EPHB2: variants seen among roughly 807,000 people sequenced by gnomAD.
EPHB2 encodes EPH receptor B2.
Under a neutral mutation model 96.4 loss-of-function variants are expected in EPHB2, and 18 were observed. That is an observed-to-expected ratio of 0.19 (90% confidence interval 0.13 to 0.28). The LOEUF (loss-of-function observed/expected upper bound fraction) is 0.28, where lower values mean the gene tolerates loss of function less well. Among genes scored for constraint, EPHB2 ranks in the 10% least tolerant of loss-of-function variants. The pLI, the probability that EPHB2 is intolerant of heterozygous loss-of-function variation, is 1.00. For missense variants in EPHB2, 989 were observed against 1,355.4 expected (o/e 0.73, Z 4.25); for synonymous variants, 506 against 534.1 (o/e 0.95, Z 0.72).
rs779665367 is a variant in EPHB2 at position 22,784,612 on chromosome 1, A to G, written c.347A>G (p.Tyr116Cys). ...AAGGAGACCTTCAACCTCTATTACT[A>G]TGAGGCTGACTTTGACTCGGCCACC... ...SCKETFNLYY[Y>C]EADFDSATKT... is the part of the protein sequence containing the mutation. The change falls in exon 3 of 16, where the codon TAT (tyrosine) becomes TGT (cysteine). Residue 116 changes from tyrosine to cysteine, a missense_variant. By Grantham distance (194) the Tyr-to-Cys change is radical. Transcript: ENST00000374630. This position sits in a 1 kb window ranked among gnomAD's most constrained non-coding sequence, Gnocchi z 5.1. 3 of 1,614,030 alleles carry G rather than the reference A, an allele frequency of 1.9e-6. No homozygotes were observed. The highest frequency in any genetic ancestry group is 1.7e-6 in the Non-Finnish European group (2 of 1,180,002).
rs1364753254 is a variant in EPHB2, at chr1:22,790,564, C to T, written c.811+5488C>T. Among the ~76,000 whole-genome samples, 1 of 152,182 alleles carries T rather than the reference C, an allele frequency of 6.6e-6. No homozygotes were observed. Among genetic ancestry groups the T allele is most frequent in the Admixed American group, 6.5e-5 (1 of 15,282 alleles). Reference sequence around the variant, plus strand: ...GTTCCCCTGCCCCAGTTTCTCCAAGCCTGCCTGTCTCCAGATCCCTGTTCT... The same window carrying T: ...GTTCCCCTGCCCCAGTTTCTCCAAGTCTGCCTGTCTCCAGATCCCTGTTCT... On this transcript the variant is annotated intron_variant, in intron 3 of 15. Transcript: ENST00000374630. The surrounding 1 kb of genome is among the most constrained non-coding windows in gnomAD (Gnocchi z 4.0).
At chr1:22,903,767 G>A (rs1244701125) in intron 9 of EPHB2, among the ~76,000 whole-genome samples, 1 of 152,196 alleles carries the variant, frequency 6.6e-6, no homozygotes, top group African/African-American at 2.4e-5. Flanking sequence ...TTTGGATTCT[G>A]CTCAGCCCTA....
chr1:22,752,337 A>C (rs1644076557), intron 1 of EPHB2, among the ~76,000 whole-genome samples: 1 of 152,136 alleles, frequency 6.6e-6, no homozygotes, highest in African/African-American at 2.4e-5. Context: ...ATCTCTACAA[A>C]AATACAAAAA....
chr1:22,892,644 C>A (rs1639425153), intron 6 of EPHB2, among the ~76,000 whole-genome samples: 1 of 152,206 alleles, frequency 6.6e-6, no homozygotes, highest in Non-Finnish European at 1.5e-5. Flanking sequence ...CAACACAAGT[C>A]ATGTGGACAA....
At chr1:22,872,173 C>T (rs963094215) in intron 5 of EPHB2, among the ~76,000 whole-genome samples, 1 of 152,138 alleles carries the variant, frequency 6.6e-6, no homozygotes, top group Non-Finnish European at 1.5e-5. Context: ...TGAGGCCTCT[C>T]TCCCCTTGCT....
chr1:22,769,217 G>C (rs1250890498), intron 1 of EPHB2, among the ~76,000 whole-genome samples: 1 of 152,166 alleles, frequency 6.6e-6, no homozygotes, highest in Non-Finnish European at 1.5e-5. Flanking sequence ...AGGGAAGCCA[G>C]GTTCCAGGGC....
At chr1:22,881,776 A>G (rs1004181333) in intron 5 of EPHB2, among the ~76,000 whole-genome samples, 5 of 152,102 alleles carry the variant, frequency 3.3e-5, no homozygotes, top group African/African-American at 7.2e-5. Context: ...TATTTTTAGT[A>G]GACACGGGGT....
At chr1:22,712,056 C>G (rs1167754804) in intron 1 of EPHB2, among the ~76,000 whole-genome samples, 1 of 152,240 alleles carries the variant, frequency 6.6e-6, no homozygotes, top group Non-Finnish European at 1.5e-5. Flanking sequence ...TTATGAAGTA[C>G]TTCGCACTAT....
At chr1:22,711,840 C>T (rs959446402) in intron 1 of EPHB2, among the ~76,000 whole-genome samples, 7 of 152,200 alleles carry the variant, frequency 4.6e-5, no homozygotes, top group Admixed American at 6.5e-5. Flanking sequence ...CGGGCCCTCT[C>T]CCCGTGGCCT....
chr1:22,887,398 T>C (rs933489137), intron 6 of EPHB2, among the ~76,000 whole-genome samples: 2 of 152,144 alleles, frequency 1.3e-5, no homozygotes, highest in African/African-American at 4.8e-5. Flanking sequence ...TGCTCCAGTC[T>C]TCCTAGGAAG....
Position 22,906,185 on chromosome 1 carries a change from G to A in EPHB2, c.1888+76G>A, listed in dbSNP as rs1639909081. On this transcript the variant is annotated intron_variant, in intron 10 of 15. Coordinates refer to ENST00000374630, the MANE Select transcript of EPHB2 (RefSeq NM_017449.5). The surrounding 1 kb of genome is among the most constrained non-coding windows in gnomAD (Gnocchi z 4.8). ...AGACCACCCCAATGTATACCCTTGG[G>A]GCAGAAGGTAGGATGTGGGACAGGC... 2 of 1,608,606 alleles carry A rather than the reference G, an allele frequency of 1.2e-6. No individual in the cohort carries two copies. Among genetic ancestry groups the A allele is most frequent in the Non-Finnish European group, 1.7e-6 (2 of 1,177,648 alleles).
At chr1:22,882,672 A>G in intron 6 of EPHB2, 189 bp downstream of exon 6, 1 of 809,852 alleles carries the variant, frequency 1.2e-6, no homozygotes, top group Non-Finnish European at 1.9e-6. Flanking sequence ...GACCTCAGGC[A>G]GGTGCCTTGA....
At chr1:22,853,357 C>G (rs1019409265) in intron 3 of EPHB2, among the ~76,000 whole-genome samples, 1 of 152,182 alleles carries the variant, frequency 6.6e-6, no homozygotes, top group East Asian at 1.9e-4. Flanking sequence ...AAGCCTCTAT[C>G]GATCACCTCT....
At chr1:22,896,833 A>C (rs908461480) in intron 9 of EPHB2, among the ~76,000 whole-genome samples, 1 of 152,224 alleles carries the variant, frequency 6.6e-6, no homozygotes, top group African/African-American at 2.4e-5. Context: ...CACCACCGTG[A>C]TAGTGGTGGC....
At chr1:22,794,792 G>A (rs1378067085) in intron 3 of EPHB2, among the ~76,000 whole-genome samples, 2 of 152,154 alleles carry the variant, frequency 1.3e-5, no homozygotes, top group African/African-American at 4.8e-5. Flanking sequence ...TGGCTCATCT[G>A]GACCCTGAAA....
intron 1 of EPHB2, among the ~76,000 whole-genome samples, chr1:22,780,618 C>G (rs1644515546): frequency 6.6e-6 from 1 of 152,146 alleles, no homozygotes; most frequent in East Asian, 1.9e-4. Flanking sequence ...CTCTAAGGCC[C>G]AAGTTCGTTT....
chr1:22,892,268 C>T (rs138785152), intron 6 of EPHB2, among the ~76,000 whole-genome samples: 3 of 152,286 alleles, frequency 2.0e-5, no homozygotes, highest in African/African-American at 4.8e-5. Flanking sequence ...ATGAGGTGGG[C>T]CTTCTCCCTT....
chr1:22,876,832 G>A (rs1044505151), intron 5 of EPHB2, among the ~76,000 whole-genome samples: 10 of 152,194 alleles, frequency 6.6e-5, no homozygotes, highest in African/African-American at 1.4e-4. Flanking sequence ...CCACTGGCCC[G>A]CCTTGATCAT....
intron 3 of EPHB2, among the ~76,000 whole-genome samples, chr1:22,824,820 G>A (rs1197309493): frequency 6.6e-6 from 1 of 152,230 alleles, no homozygotes; most frequent in African/African-American, 2.4e-5. Context: ...GCCTGGGATG[G>A]CAGCCCCGTG....
Sources: allele counts gnomAD v4.1 joint callset (sites outside exome capture counted in the v4.1 genomes callset), GRCh38; gene constraint gnomAD v4.1.1; non-coding constraint Gnocchi (gnomAD v3.1); transcripts MANE v1.5; gene names NCBI Gene and HGNC (gene_info 2026-07-23, HGNC 2026-07-21).